FRK: variants seen among roughly 807,000 people sequenced by gnomAD.
FRK encodes fyn related Src family tyrosine kinase.
Under a neutral mutation model 56.4 loss-of-function variants are expected in FRK, and 51 were observed. That is an observed-to-expected ratio of 0.90 (90% CI 0.72 to 1.14). The LOEUF (loss-of-function observed/expected upper bound fraction) is 1.14, where lower values mean the gene tolerates loss of function less well. Ranked by LOEUF, FRK falls within the 50% of genes most tolerant of loss-of-function variation. The pLI is 0.00. For synonymous variants in FRK, 245 were observed against 217.9 expected (o/e 1.12, Z -1.10); for missense variants, 570 against 601.4 (o/e 0.95, Z 0.55).
chr6:115,943,290 T>A, intron 6 of FRK, 105 bp from the exon 7 acceptor site: 1 of 788,322 alleles, frequency 1.3e-6, no homozygotes, highest in South Asian at 2.1e-5. Flanking sequence ...AGAGAAAAGA[T>A]TCAAAATGAG....
chr6:115,989,401 C>T (rs1210383996), intron 2 of FRK, among the ~76,000 whole-genome samples: 1 of 151,762 alleles, frequency 6.6e-6, no homozygotes, highest in Non-Finnish European at 1.5e-5. Context: ...AAATAGTAAG[C>T]TTTGTACCTA....
intron 2 of FRK, among the ~76,000 whole-genome samples, chr6:115,982,500 T>G (rs1774236178): frequency 6.6e-6 from 1 of 152,146 alleles, no homozygotes. Flanking sequence ...CTTTTATTTG[T>G]CATTGTTTGG....
chr6:115,946,464 CCTAT>C (rs1177217044), intron 5 of FRK, among the ~76,000 whole-genome samples: 2 of 151,876 alleles, frequency 1.3e-5, no homozygotes, highest in Non-Finnish European at 2.9e-5. Context: ...CTCAATAAAT[CCTAT>C]CTATTATTAT....
In FRK at chr6:115,933,449, CTCCATGA is replaced by C. The variant is rs1771990827; in HGVS notation, c.*8958_*8964del. 1 of 152,076 alleles carries C rather than the reference CTCCATGA, an allele frequency of 6.6e-6. No individual in the cohort carries two copies. Among genetic ancestry groups the C allele is most frequent in the Non-Finnish European group, 1.5e-5 (1 of 68,000 alleles). 9.4% of individuals were successfully genotyped at this position (152,076 alleles called of 1,614,324 possible). On this transcript the variant is annotated 3_prime_UTR_variant, in exon 8 of 8. Coordinates refer to ENST00000606080, the MANE Select transcript of FRK (RefSeq NM_002031.3). ...TCTCATAACTGAATCCATTATTTTT[CTCCATGA>C]TCCATCAGGTAAAAACAAGAATAAT...
intron 1 of FRK, among the ~76,000 whole-genome samples, chr6:116,014,293 G>C (rs1419609234): frequency 6.6e-6 from 1 of 152,036 alleles, no homozygotes; most frequent in African/African-American, 2.4e-5. Flanking sequence ...TCAAGGGAGA[G>C]ATAAAAGACC....
intron 7 of FRK, 141 bp downstream of exon 7, chr6:115,942,879 C>A: frequency 1.2e-6 from 1 of 844,084 alleles, no homozygotes; most frequent in Non-Finnish European, 1.8e-6. Flanking sequence ...TTATCATCAT[C>A]AAATTTTATC....
intron 7 of FRK, 124 bp downstream of exon 7, chr6:115,942,896 G>A (rs1286594386): frequency 2.2e-6 from 2 of 924,834 alleles, no homozygotes; most frequent in Non-Finnish European, 3.3e-6. Context: ...TATCTATCAA[G>A]CTCCCGCAGG....
intron 1 of FRK, among the ~76,000 whole-genome samples, chr6:116,016,605 A>C (rs1775664930): frequency 6.6e-6 from 1 of 152,096 alleles, no homozygotes. Context: ...ATGTACAGAT[A>C]TGTACTAGTT....
chr6:116,078,895 G>T, the FRK span, among the ~76,000 whole-genome samples: 1 of 151,932 alleles, frequency 6.6e-6, no homozygotes. Flanking sequence ...CCGTTCTGTT[G>T]TCTCTGGCCC....
At chr6:115,984,212 C>A (rs937708692) in intron 2 of FRK, among the ~76,000 whole-genome samples, 6 of 152,114 alleles carry the variant, frequency 3.9e-5, no homozygotes, top group Admixed American at 1.3e-4. Context: ...CCCTGTACTT[C>A]TCCTACTGGA....
intron 4 of FRK, among the ~76,000 whole-genome samples, chr6:115,960,114 T>C (rs1773274781): frequency 6.6e-6 from 1 of 152,038 alleles, no homozygotes; most frequent in African/African-American, 2.4e-5. Context: ...GGGTGATTTC[T>C]GCATTTCCAT....
At chr6:116,090,749 C>G in the FRK span, among the ~76,000 whole-genome samples, 117 of 152,166 alleles carry the variant, frequency 7.7e-4, no homozygotes, top group African/African-American at 2.7e-3. Context: ...CCCCACACCC[C>G]CAAAAGAACA....
intron 1 of FRK, among the ~76,000 whole-genome samples, chr6:116,021,385 A>G (rs1775867780): frequency 6.6e-6 from 1 of 152,184 alleles, no homozygotes; most frequent in Admixed American, 6.5e-5. Flanking sequence ...ATTGACATAT[A>G]TGATCAATAT....
the FRK span, among the ~76,000 whole-genome samples, chr6:116,077,315 T>C: frequency 1.3e-5 from 2 of 152,216 alleles, no homozygotes; most frequent in African/African-American, 4.8e-5. Flanking sequence ...AAGGAATATT[T>C]CACATAGGGC....
At chr6:115,978,339 C>A (rs1315461137) in intron 2 of FRK, among the ~76,000 whole-genome samples, 2 of 151,870 alleles carry the variant, frequency 1.3e-5, no homozygotes, top group African/African-American at 4.8e-5. Flanking sequence ...TATAAAATGC[C>A]TCAAAATATA....
chr6:115,951,373 A>T (rs2114538332), intron 5 of FRK, among the ~76,000 whole-genome samples: 1 of 152,278 alleles, frequency 6.6e-6, no homozygotes, highest in African/African-American at 2.4e-5. Context: ...AAGTATTGCA[A>T]TTATTCTTCC....
intron 2 of FRK, among the ~76,000 whole-genome samples, chr6:116,000,338 G>A (rs1775016842): frequency 7.1e-6 from 1 of 140,886 alleles, no homozygotes; most frequent in Admixed American, 7.5e-5. Flanking sequence ...CACCTCCCAG[G>A]TTCAAGCAAT....
chr6:115,990,291 C>T (rs189167654), intron 2 of FRK, among the ~76,000 whole-genome samples: 91 of 151,760 alleles, frequency 6.0e-4, no homozygotes, highest in Non-Finnish European at 1.1e-3. Flanking sequence ...TTAAGTCCCA[C>T]TTGTCTATTT....
intron 1 of FRK, among the ~76,000 whole-genome samples, chr6:116,018,605 C>T (rs1775745006): frequency 6.6e-6 from 1 of 152,084 alleles, no homozygotes; most frequent in Middle Eastern, 3.2e-3. Context: ...TCTAATAATA[C>T]ACAATGGAAA....
Sources: gnomAD v4.1 joint callset for allele counts (sites outside exome capture counted in the v4.1 genomes callset) on GRCh38, gnomAD v4.1.1 for gene constraint, MANE v1.5 for transcripts, NCBI Gene and HGNC (gene_info 2026-07-23, HGNC 2026-07-21) for gene names.